XPA: variants seen among roughly 807,000 people sequenced by gnomAD.
XPA encodes DNA repair protein complementing XP-A cells.
Under a neutral mutation model 35.7 loss-of-function variants are expected in XPA, and 27 were observed. That is an observed-to-expected ratio of 0.76 (90% CI 0.56 to 1.04). XPA has a LOEUF of 1.04. Ranked by LOEUF, XPA falls within the 50% of genes least tolerant of loss-of-function variation. The pLI is 0.00. For missense variants in XPA, 354 were observed against 342.7 expected (o/e 1.03, Z -0.26); for synonymous variants, 133 against 118.4 (o/e 1.12, Z -0.80).
At chr9:97,696,938 G>A (rs1337606419) in intron 1 of XPA, among the ~76,000 whole-genome samples, 183 bp downstream of exon 1, 1 of 152,198 alleles carries the variant, frequency 6.6e-6, no homozygotes, top group East Asian at 1.9e-4. Context: ...CTGTGGTCGT[G>A]GACAGGACGC....
Position 97,697,277 on chromosome 9 carries a change from C to G in XPA, c.16G>C (p.Gly6Arg), listed in dbSNP as rs200218050. 3.8e-6 allele frequency: 6 copies of G among 1,598,454 alleles called. No homozygotes were observed. Among genetic ancestry groups the G allele is most frequent in the African/African-American group, 2.7e-5 (2 of 74,722 alleles). Residue 6 changes from glycine (G) to arginine (R), a missense_variant, in exon 1 of 6, where the codon GGG (glycine) becomes CGG (arginine). Gly to Arg is a moderately radical substitution (Grantham distance 125). Coordinates refer to ENST00000375128, the MANE Select transcript of XPA (RefSeq NM_000380.4). ...AAAGCCGCCGCCTCCGGCAAAGCCCCGTCGGCCGCCGCCATCTCTGGCCCA... is the reference window on the plus strand; with the variant it reads ...AAAGCCGCCGCCTCCGGCAAAGCCCGGTCGGCCGCCGCCATCTCTGGCCCA... MAAADGALPEAAALEQ... is the reference protein window; with the variant it reads MAAADRALPEAAALEQ...
rs1215198807 is a variant in XPA, at chr9:97,675,233, A to G, written c.*206T>C. 1.5e-6 allele frequency: 1 copy of G among 676,424 alleles called. No individual in the cohort carries two copies. The highest frequency in any genetic ancestry group is 2.7e-6 in the Non-Finnish European group (1 of 375,756). 41.9% of individuals were successfully genotyped at this position (676,424 alleles called of 1,614,324 possible). A position where few individuals can be genotyped will look rare whatever the true frequency, so the allele number is the denominator to read the frequency against. On this transcript the variant is annotated 3_prime_UTR_variant, in exon 6 of 6. Transcript: ENST00000375128. ...GTAAGAAGGCAATCACAGACATGAC[A>G]TTGTGCACACAACCAGGCCAGGTGA... is the stretch of plus-strand genomic sequence containing the variant.
chr9:97,663,054 A>G, the XPA span: 59 of 1,587,514 alleles, frequency 3.7e-5, no homozygotes, highest in South Asian at 6.1e-4. Context: ...ACAGGTAAAA[A>G]TTATTTAATT....
downstream of XPA, chr9:97,670,173 C>T (rs989107126): frequency 8.8e-6 from 2 of 228,226 alleles, no homozygotes; most frequent in African/African-American, 4.5e-5. Flanking sequence ...CCTCCGCCTC[C>T]CAAAGTGCTG....
chr9:97,664,368 T>C, the XPA span: 1 of 1,612,680 alleles, frequency 6.2e-7, no homozygotes, highest in East Asian at 2.2e-5. Context: ...GATAAGATGA[T>C]TCGTACACAA....
In XPA at chr9:97,697,340, T is replaced by C. The variant is rs567595765; in HGVS notation, c.-48A>G. On this transcript the variant is annotated 5_prime_UTR_variant, in exon 1 of 6. Coordinates refer to ENST00000375128, the MANE Select transcript of XPA (RefSeq NM_000380.4). ...AGCTCCCAGCTCCACGCACGCGCAC[T>C]GCACGCCGAGGCGAGCCAGCCGCCC... 48 of 1,593,924 alleles carry C rather than the reference T, an allele frequency of 3.0e-5. No individual in the cohort carries two copies. The highest frequency in any genetic ancestry group is 3.9e-5 in the Non-Finnish European group (46 of 1,178,048).
intron 2 of XPA, 36 bp downstream of exon 2, chr9:97,693,613 C>T: frequency 6.4e-7 from 1 of 1,565,206 alleles, no homozygotes; most frequent in Non-Finnish European, 8.8e-7. Flanking sequence ...TCAAAATAAC[C>T]AATCTAGATA....
Position 97,687,159 on chromosome 9 carries a change from A to C in XPA, c.492T>G (p.Phe164Leu). 3 of 1,612,938 alleles carry C rather than the reference A, an allele frequency of 1.9e-6. No homozygotes were observed. Among genetic ancestry groups the C allele is most frequent in the Non-Finnish European group, 2.5e-6 (3 of 1,179,714 alleles). ...DLEKREPPLK[F>L]IVKKNPHHSQ... ...AATGATGTGGATTCTTCTTCACAAT[A>C]AATTTAAGAGGTGGCTCTCTTTTTT... Residue 164 changes from phenylalanine (F) to leucine (L), a missense_variant, in exon 4 of 6, where the codon TTT becomes TTG. By Grantham distance (22) the Phe-to-Leu change is conservative. Coordinates refer to ENST00000375128, the MANE Select transcript of XPA (RefSeq NM_000380.4).
chr9:97,696,018 T>C lies in XPA; in HGVS notation c.172+1103A>G, dbSNP rs190324405. On this transcript the variant is annotated intron_variant, in intron 1 of 5. Coordinates refer to ENST00000375128, the MANE Select transcript of XPA (RefSeq NM_000380.4). ...TGAATTAATCAGTGCAAATGAACTT[T>C]CTGTCTGACTCTAGCGTGCCTCAAG... Among the ~76,000 whole-genome samples the C allele has an allele frequency of 5.2e-3, 789 of 152,348 alleles. 6 individuals are homozygous for C. The highest frequency in any genetic ancestry group is 0.018 in the African/African-American group (756 of 41,576).
intron 4 of XPA, among the ~76,000 whole-genome samples, chr9:97,685,542 G>A (rs1157343188): frequency 6.6e-6 from 1 of 152,080 alleles, no homozygotes; most frequent in Non-Finnish European, 1.5e-5. Context: ...CCAAGATGAT[G>A]TAAAAAGTCT....
rs905489379 is a variant in XPA, at chr9:97,697,279, T to G, written c.14A>C (p.Asp5Ala). The G allele has an allele frequency of 8.1e-6, 13 of 1,598,410 alleles. No individual in the cohort carries two copies. The highest frequency in any genetic ancestry group is 2.7e-5 in the African/African-American group (2 of 74,718). The change falls in exon 1 of 6, where the codon GAC becomes GCC. Residue 5 changes from aspartate to alanine, a missense_variant. By Grantham distance (126) the Asp-to-Ala change is moderately radical (BLOSUM62 -2). Coordinates refer to ENST00000375128, the MANE Select transcript of XPA (RefSeq NM_000380.4). ...AGCCGCCGCCTCCGGCAAAGCCCCG[T>G]CGGCCGCCGCCATCTCTGGCCCACT... MAAA[D>A]GALPEAAALE...
At chr9:97,685,692 A>G (rs3176688) in intron 4 of XPA, among the ~76,000 whole-genome samples, 17,979 of 152,204 alleles carry the variant, frequency 0.12, 3,018 homozygotes, top group African/African-American at 0.37. Context: ...ATTAATCAGC[A>G]TAGCCAAACT....
the XPA span, among the ~76,000 whole-genome samples, chr9:97,659,984 A>C: frequency 5.3e-5 from 8 of 152,122 alleles, no homozygotes; most frequent in Non-Finnish European, 7.4e-5. Flanking sequence ...TTCTAGCTCC[A>C]CTTCCTTTTC....
intron 1 of XPA, among the ~76,000 whole-genome samples, chr9:97,695,615 C>T (rs1300337889): frequency 6.6e-6 from 1 of 152,180 alleles, no homozygotes; most frequent in African/African-American, 2.4e-5. Flanking sequence ...AAACAAAGTC[C>T]GATTTCTCTC....
At chr9:97,685,529 G>A (rs1828690535) in intron 4 of XPA, among the ~76,000 whole-genome samples, 1 of 151,554 alleles carries the variant, frequency 6.6e-6, no homozygotes, top group Admixed American at 6.6e-5. Flanking sequence ...TTTAATTTTG[G>A]TACCAAGATG....
In XPA at chr9:97,677,166, T is replaced by C. The variant is rs377195130; in HGVS notation, c.674-1579A>G. Among the ~76,000 whole-genome samples the C allele has an allele frequency of 5.3e-5, 8 of 152,296 alleles. No individual in the cohort carries two copies. The East Asian group carries it at 1.5e-3, about 29-fold the overall frequency. ...ACTTCTCTGCCTAATTTGAATATTA[T>C]GTGTACTTAAAAAGAGGTACCAAAG... On this transcript the variant is annotated intron_variant, in intron 5 of 5. Transcript: ENST00000375128.
the XPA span, among the ~76,000 whole-genome samples, chr9:97,665,400 T>C: frequency 6.6e-6 from 1 of 152,218 alleles, no homozygotes; most frequent in Non-Finnish European, 1.5e-5. Flanking sequence ...TTTTACAGAA[T>C]AGGGAAGTGT....
At chr9:97,655,667 C>A in the XPA span, 1 of 1,552,580 alleles carries the variant, frequency 6.4e-7, no homozygotes, top group Non-Finnish European at 8.8e-7. Flanking sequence ...GTTATTCTTC[C>A]TTTTTCTCTG....
chr9:97,684,557 TA>T (rs1828650142), intron 5 of XPA, among the ~76,000 whole-genome samples: 1 of 152,214 alleles, frequency 6.6e-6, no homozygotes. Flanking sequence ...CTTTTCATTT[TA>T]AGCAATTAGA....
Sources: allele counts gnomAD v4.1 joint callset (sites outside exome capture counted in the v4.1 genomes callset), GRCh38; gene constraint gnomAD v4.1.1; transcripts MANE v1.5; gene names NCBI Gene and HGNC (gene_info 2026-07-23, HGNC 2026-07-21).